The following MKX variants were observed in gnomAD, a reference collection of about 807,000 sequenced individuals.
The protein encoded by MKX is homeobox protein Mohawk.
Under a neutral mutation model 36.0 loss-of-function variants are expected in MKX, and 13 were observed. The observed-to-expected ratio is 0.36, with a 90% confidence interval of 0.24 to 0.57. The LOEUF is 0.57. MKX is among the 20% of genes least tolerant of loss of function. The probability of loss-of-function intolerance (pLI) is 0.79; values close to 1 mark genes in which losing one functional copy is unlikely to be tolerated. For synonymous variants in MKX, 176 were observed against 178.3 expected, an observed-to-expected ratio of 0.99 and a Z score of 0.10; for missense variants, 458 against 456.4, an observed-to-expected ratio of 1.00 and a Z score of -0.03.
At chr10:27,725,975 G>A (rs1219755625) in intron 5 of MKX, among the ~76,000 whole-genome samples, 2 of 152,142 alleles carry the variant, frequency 1.3e-5, no homozygotes, top group Non-Finnish European at 2.9e-5. Context: ...CCTAGGGAAT[G>A]AGAAAGTCTC....
intron 5 of MKX, among the ~76,000 whole-genome samples, chr10:27,721,841 T>C (rs1260298501): frequency 6.6e-6 from 1 of 152,076 alleles, no homozygotes; most frequent in Admixed American, 6.6e-5. Flanking sequence ...TAGAATACAA[T>C]AGAGTCCAGA....
At chr10:27,738,440 A>G (rs1834824624) in intron 3 of MKX, among the ~76,000 whole-genome samples, 2 of 152,014 alleles carry the variant, frequency 1.3e-5, no homozygotes, top group South Asian at 4.1e-4. Flanking sequence ...TATTCTCTTC[A>G]AATTGTATTT....
At chr10:27,707,434 G>A (rs1398824239) in intron 5 of MKX, among the ~76,000 whole-genome samples, 1 of 152,124 alleles carries the variant, frequency 6.6e-6, no homozygotes, top group Non-Finnish European at 1.5e-5. Flanking sequence ...TGGGAAGTTG[G>A]CCTTGGGTAA....
chr10:27,701,666 G>T (rs963285809), intron 5 of MKX, among the ~76,000 whole-genome samples: 1 of 141,694 alleles, frequency 7.1e-6, no homozygotes, highest in Admixed American at 7.2e-5. Flanking sequence ...ATATTAATAT[G>T]TTATTTTATA....
At chr10:27,680,855 T>A (rs1410365767) in intron 5 of MKX, among the ~76,000 whole-genome samples, 6 of 151,924 alleles carry the variant, frequency 3.9e-5, no homozygotes, top group African/African-American at 1.5e-4. Context: ...TTTGAGATCA[T>A]GGAAAGGGAA....
chr10:27,716,436 C>CA (rs56913373), intron 5 of MKX, among the ~76,000 whole-genome samples: 8,324 of 127,550 alleles, frequency 0.065, 863 homozygotes, highest in African/African-American at 0.22. Flanking sequence ...AAAAAAAAAG[C>CA]AAAAAAAAAA....
intron 1 of MKX, chr10:27,745,372 C>T (rs1015227622): frequency 6.5e-6 from 1 of 152,772 alleles, no homozygotes; most frequent in African/African-American, 2.4e-5. Flanking sequence ...GCTGACCCTC[C>T]CAGGACTCCC....
chr10:27,701,594 G>T (rs1236821475), intron 5 of MKX, among the ~76,000 whole-genome samples: 2 of 141,454 alleles, frequency 1.4e-5, no homozygotes, highest in South Asian at 2.2e-4. Flanking sequence ...TAAAATTATT[G>T]TTTTTAATAT....
chr10:27,734,528 A>C lies in MKX; in HGVS notation c.766T>G (p.Ser256Ala), dbSNP rs1834705346. ...ACTAATTCTTCCTCAAATTCATTGGAGCTAAAAGATCCCGAGTGGTTTCTT... is the reference window on the plus strand; with the variant it reads ...ACTAATTCTTCCTCAAATTCATTGGCGCTAAAAGATCCCGAGTGGTTTCTT... ...RQRNHSGSFS[S>A]NEFEEELVSP... The change falls in exon 5 of 7, where the codon TCC (serine) becomes GCC (alanine). Residue 256 changes from serine to alanine, a missense_variant. By Grantham distance (99) the Ser-to-Ala change is moderately conservative. Transcript: ENST00000419761. The C allele has an allele frequency of 6.2e-7, 1 of 1,614,042 alleles. No individual in the cohort carries two copies. Among genetic ancestry groups the C allele is most frequent in the African/African-American group, 1.3e-5 (1 of 74,926 alleles).
At chr10:27,687,345 T>C (rs1330923802) in intron 5 of MKX, among the ~76,000 whole-genome samples, 3 of 152,188 alleles carry the variant, frequency 2.0e-5, no homozygotes, top group Non-Finnish European at 4.4e-5. Flanking sequence ...AGCTCCCTAG[T>C]TAAAATGGGG....
At chr10:27,710,235 T>A (rs79185604) in intron 5 of MKX, among the ~76,000 whole-genome samples, 3,123 of 152,290 alleles carry the variant, frequency 0.021, 44 homozygotes, top group Non-Finnish European at 0.032. Context: ...CCTATAGCAT[T>A]CCTGTGGAAG....
intron 3 of MKX, among the ~76,000 whole-genome samples, chr10:27,739,262 A>C (rs943392863): frequency 4.6e-5 from 7 of 152,094 alleles, no homozygotes; most frequent in Non-Finnish European, 7.4e-5. Flanking sequence ...CAGCCATAGG[A>C]TCAGCCATAA....
In MKX at chr10:27,721,556, A is replaced by G. The variant is rs577341836; in HGVS notation, c.838+12900T>C. ...AACCAAACACAGCATGTTCTCTCTT[A>G]TAAGTGGGAGCTGAATAATGAGAAC... On this transcript the variant is annotated intron_variant, in intron 5 of 6. Transcript: ENST00000419761. Among the ~76,000 whole-genome samples, 60 of 152,326 alleles carry G rather than the reference A, an allele frequency of 3.9e-4. No homozygotes were observed. The Middle Eastern group carries it at 0.01, about 26-fold the overall frequency.
chr10:27,721,412 T>G (rs1834377098), intron 5 of MKX, among the ~76,000 whole-genome samples: 2 of 152,174 alleles, frequency 1.3e-5, no homozygotes, highest in Non-Finnish European at 2.9e-5. Context: ...AAAGGAAATG[T>G]GGTACATATA....
chr10:27,689,560 G>A (rs572768012), intron 5 of MKX, among the ~76,000 whole-genome samples: 5 of 152,070 alleles, frequency 3.3e-5, no homozygotes, highest in South Asian at 2.1e-4. Flanking sequence ...TGATGGTATC[G>A]AAGGGTATAA....
chr10:27,742,176 C>T lies in MKX; in HGVS notation c.189-672G>A, dbSNP rs1437337614. Among the ~76,000 whole-genome samples the T allele has an allele frequency of 6.6e-6, 1 of 152,176 alleles. No homozygotes were observed. Among genetic ancestry groups the T allele is most frequent in the Non-Finnish European group, 1.5e-5 (1 of 68,034 alleles). The stretch of plus-strand genomic sequence containing the variant: ...GGTTAAAAGTACGGCAAGCTCTGTC[C>T]CATCATGTAAGGTAAAAAGACCTCA... On this transcript the variant is annotated intron_variant, in intron 2 of 6. Coordinates refer to ENST00000419761, the MANE Select transcript of MKX (RefSeq NM_173576.3). This position sits in a 1 kb window ranked among gnomAD's most constrained non-coding sequence, Gnocchi z 4.2.
chr10:27,682,655 G>A (rs143510912), intron 5 of MKX, among the ~76,000 whole-genome samples: 22 of 152,224 alleles, frequency 1.4e-4, no homozygotes, highest in African/African-American at 5.1e-4. Flanking sequence ...GTTCCACCTC[G>A]GATCATCAGG....
At chr10:27,711,464 TTTC>T (rs1836857531) in intron 5 of MKX, among the ~76,000 whole-genome samples, 1 of 8,900 alleles carries the variant, frequency 1.1e-4, no homozygotes, top group East Asian at 4.2e-3. Flanking sequence ...TCTTTCTTTC[TTTC>T]TTTCTTTCTT....
chr10:27,714,288 A>G (rs1836925115), intron 5 of MKX, among the ~76,000 whole-genome samples: 1 of 152,218 alleles, frequency 6.6e-6, no homozygotes, highest in Admixed American at 6.5e-5. Context: ...GCCATGTTTT[A>G]AAATGTTCCA....
Sources: gnomAD v4.1 joint callset for allele counts (sites outside exome capture counted in the v4.1 genomes callset) on GRCh38, gnomAD v4.1.1 for gene constraint, Gnocchi (gnomAD v3.1) non-coding constraint, MANE v1.5 for transcripts, NCBI Gene and HGNC (gene_info 2026-07-23, HGNC 2026-07-21) for gene names.